IQCM: variants seen among roughly 807,000 people sequenced by gnomAD.
IQCM encodes the protein IQ motif containing M, also known as IQ domain-containing protein M.
In IQCM, 45 loss-of-function variants were observed where a neutral mutation model predicts 57.6. That is an observed-to-expected ratio of 0.78 (90% confidence interval 0.62 to 1.00). The LOEUF (loss-of-function observed/expected upper bound fraction) is 1.00, where lower values mean the gene tolerates loss of function less well. Ranked by LOEUF, IQCM falls within the 50% of genes least tolerant of loss-of-function variation. The pLI, the probability that IQCM is intolerant of heterozygous loss-of-function variation, is 0.00. For synonymous variants in IQCM, 148 were observed against 158.9 expected, an observed-to-expected ratio of 0.93 and a Z score of 0.51; for missense variants, 468 against 511.6, an observed-to-expected ratio of 0.91 and a Z score of 0.82.
chr4:149,363,828 G>A (rs1729656096), intron 13 of IQCM, among the ~76,000 whole-genome samples: 1 of 152,026 alleles, frequency 6.6e-6, no homozygotes. Flanking sequence ...TAAATTTCTG[G>A]CATTCCATAT....
At chr4:149,509,677 A>G (rs1560930956) in intron 12 of IQCM, among the ~76,000 whole-genome samples, 1 of 152,196 alleles carries the variant, frequency 6.6e-6, no homozygotes, top group Non-Finnish European at 1.5e-5. Context: ...AAATTATTTA[A>G]TTAGTGTAAG....
In IQCM at chr4:149,677,580, A is replaced by C. The variant is rs997297075; in HGVS notation, c.565+4538T>G. Among the ~76,000 whole-genome samples the C allele has an allele frequency of 2.6e-5, 4 of 152,058 alleles. No individual in the cohort carries two copies. The East Asian group carries it at 5.8e-4, about 22-fold the overall frequency. Reference sequence around the variant, plus strand: ...AGAAGACAACAATAAATAAAATAATAATTAAATAAGACCAAATTAATCTTA... The same window carrying C: ...AGAAGACAACAATAAATAAAATAATCATTAAATAAGACCAAATTAATCTTA... On this transcript the variant is annotated intron_variant, in intron 7 of 13. Coordinates refer to ENST00000636793, the MANE Select transcript of IQCM (RefSeq NM_001363507.2).
At chr4:149,761,350 A>G (rs1011122323) in intron 2 of IQCM, among the ~76,000 whole-genome samples, 2 of 152,200 alleles carry the variant, frequency 1.3e-5, no homozygotes, top group Non-Finnish European at 2.9e-5. Context: ...CTGATGCTCA[A>G]TAAGTTTGGG....
At chr4:149,790,582 C>T (rs1051737057) in intron 2 of IQCM, among the ~76,000 whole-genome samples, 12 of 152,012 alleles carry the variant, frequency 7.9e-5, no homozygotes, top group Non-Finnish European at 1.6e-4. Context: ...TGTTTTAAAA[C>T]GATTAAAGCT....
chr4:149,641,091 C>A (rs1307153182), intron 7 of IQCM, among the ~76,000 whole-genome samples: 2 of 152,162 alleles, frequency 1.3e-5, no homozygotes, highest in Non-Finnish European at 2.9e-5. Context: ...CATGCCACTG[C>A]ACTCCAGCCT....
chr4:149,461,450 T>C (rs1027075985), intron 12 of IQCM, among the ~76,000 whole-genome samples: 24 of 151,706 alleles, frequency 1.6e-4, no homozygotes, highest in African/African-American at 5.8e-4. Flanking sequence ...TTAGAAAATG[T>C]AAAAACAAAC....
chr4:149,719,126 C>A (rs1765231721), intron 5 of IQCM, among the ~76,000 whole-genome samples: 1 of 152,012 alleles, frequency 6.6e-6, no homozygotes, highest in Non-Finnish European at 1.5e-5. Context: ...GGGCAGATCA[C>A]CTGAGGTCAG....
intron 2 of IQCM, among the ~76,000 whole-genome samples, chr4:149,773,955 A>T (rs1770829082): frequency 6.6e-6 from 1 of 152,118 alleles, no homozygotes; most frequent in African/African-American, 2.4e-5. Flanking sequence ...AACAATATTA[A>T]TATGGTAATG....
intron 3 of IQCM, among the ~76,000 whole-genome samples, chr4:149,736,656 C>A (rs1226165216): frequency 6.6e-6 from 1 of 152,116 alleles, no homozygotes; most frequent in Admixed American, 6.5e-5. Context: ...CTACACTCAC[C>A]AAAACGGCTA....
chr4:149,681,714 C>T (rs1762191424), intron 7 of IQCM, among the ~76,000 whole-genome samples: 1 of 150,922 alleles, frequency 6.6e-6, no homozygotes, highest in Admixed American at 6.6e-5. Context: ...AATCAATAGC[C>T]CCCTAGGTCT....
In IQCM at chr4:149,774,419, T is replaced by TA. The variant is rs990067174; in HGVS notation, c.-48-31681dup. Among the ~76,000 whole-genome samples the TA allele has an allele frequency of 4.6e-5, 7 of 152,096 alleles. No individual in the cohort carries two copies. In the East Asian group the frequency reaches 5.8e-4, roughly 13 times the overall value. The stretch of plus-strand genomic sequence containing the variant: ...ATAAAATAAAAACCTCTATTTCCTT[T>TA]AAAAAAACAATATTCACATGTTCCT... On this transcript the variant is annotated intron_variant, in intron 2 of 13. Transcript: ENST00000636793.
At chr4:149,375,992 T>C (rs1287125438) in intron 13 of IQCM, among the ~76,000 whole-genome samples, 1 of 152,124 alleles carries the variant, frequency 6.6e-6, no homozygotes. Flanking sequence ...ACAATTAATA[T>C]TTTGCTGTGT....
At chr4:149,637,032 ACTCGGGAGGC>A (rs1159085110) in intron 7 of IQCM, among the ~76,000 whole-genome samples, 1 of 151,096 alleles carries the variant, frequency 6.6e-6, no homozygotes, top group African/African-American at 2.4e-5. Context: ...AGTCCCAGCT[ACTCGGGAGGC>A]TGAGGCAGGA....
chr4:149,767,616 C>T (rs1028187263), intron 2 of IQCM, among the ~76,000 whole-genome samples: 3 of 151,852 alleles, frequency 2.0e-5, no homozygotes, highest in African/African-American at 7.3e-5. Context: ...TGAACTGGAC[C>T]CCAGTTTCTA....
At chr4:149,643,552 A>C (rs772745906) in intron 7 of IQCM, among the ~76,000 whole-genome samples, 5 of 152,172 alleles carry the variant, frequency 3.3e-5, no homozygotes, top group Non-Finnish European at 7.4e-5. Context: ...TACAGCAACA[A>C]TAAAAATGAG....
intron 5 of IQCM, among the ~76,000 whole-genome samples, chr4:149,694,714 T>C (rs1315656946): frequency 6.6e-6 from 1 of 152,168 alleles, no homozygotes; most frequent in Non-Finnish European, 1.5e-5. Flanking sequence ...TCATCACAGA[T>C]ATCTGTTAGC....
At chr4:149,732,740 C>T (rs566947163) in intron 5 of IQCM, among the ~76,000 whole-genome samples, 2 of 152,252 alleles carry the variant, frequency 1.3e-5, no homozygotes, top group Non-Finnish European at 2.9e-5. Flanking sequence ...TTCAGGAAAA[C>T]AATATCACTT....
chr4:149,656,739 T>A (rs1316958120), intron 7 of IQCM, among the ~76,000 whole-genome samples: 1 of 151,968 alleles, frequency 6.6e-6, no homozygotes, highest in Non-Finnish European at 1.5e-5. Context: ...CCTGGAGAGT[T>A]GATGCACTGG....
intron 9 of IQCM, among the ~76,000 whole-genome samples, chr4:149,572,269 C>T (rs1355571478): frequency 2.0e-5 from 3 of 151,552 alleles, no homozygotes; most frequent in South Asian, 2.1e-4. Flanking sequence ...TTTTATTTTC[C>T]TTTTATTAAT....
Sources: allele counts gnomAD v4.1 joint callset (sites outside exome capture counted in the v4.1 genomes callset), GRCh38; gene constraint gnomAD v4.1.1; transcripts MANE v1.5; gene names NCBI Gene and HGNC (gene_info 2026-07-23, HGNC 2026-07-21).